The following STK31 variants were observed in gnomAD, a reference collection of about 807,000 sequenced individuals.
STK31 encodes serine/threonine kinase 31.
STK31 carries 89 observed loss-of-function variants against 129.7 expected under a neutral mutation model. The ratio of observed to expected loss-of-function variants is 0.69; its 90% confidence interval spans 0.58 to 0.82. The LOEUF (loss-of-function observed/expected upper bound fraction) is 0.82. STK31 is among the 40% of genes least tolerant of loss of function. The pLI is 0.00. For synonymous variants in STK31, 448 were observed against 395.3 expected (o/e 1.13, Z -1.58); for missense variants, 1,187 against 1,176.4 (o/e 1.01, Z -0.13).
At chr7:23,755,993 C>G (rs1310303003) in intron 10 of STK31, among the ~76,000 whole-genome samples, 2 of 152,150 alleles carry the variant, frequency 1.3e-5, no homozygotes, top group East Asian at 3.9e-4. Context: ...TTCTTTGAAT[C>G]CATATGAAAT....
At position 23,785,557 on chromosome 7, in the gene STK31, G is replaced by T; in HGVS notation, c.2228G>T (p.Arg743Leu). 6.2e-7 allele frequency: 1 copy of T among 1,613,900 alleles called. No individual in the cohort carries two copies. Among genetic ancestry groups the T allele is most frequent in the Non-Finnish European group, 8.5e-7 (1 of 1,179,864 alleles). Residue 743 changes from arginine (R) to leucine (L), a missense_variant, in exon 18 of 24, where the codon CGT becomes CTT. By Grantham distance (102) the Arg-to-Leu change is moderately radical. Coordinates refer to ENST00000355870, the MANE Select transcript of STK31 (RefSeq NM_031414.5). ...CCCATGAAGGAACTTAGCAGCAAGC[G>T]TCCTTTGGTACGTTCTGAGGTTAAT... ...AEPMKELSSK[R>L]PLVRSEVNGQ...
At position 23,786,867 on chromosome 7, in the gene STK31, A is replaced by T; in HGVS notation, c.2430A>T (p.Pro810=). The part of the protein sequence containing the change: ...KSDPMAYLMV[P]YYPRANLNAV... ...ATCCTATGGCTTATCTGATGGTCCC[A>T]TACTACCCTAGGGCAAACCTGAATG... The change falls in exon 20 of 24, where the codon CCA becomes CCT. Residue 810 remains proline, a synonymous_variant. Transcript: ENST00000355870. The T allele has an allele frequency of 6.2e-7, 1 of 1,614,020 alleles. No homozygotes were observed. The highest frequency in any genetic ancestry group is 8.5e-7 in the Non-Finnish European group (1 of 1,179,944).
chr7:23,726,783 A>G (rs1787111228), intron 4 of STK31, among the ~76,000 whole-genome samples: 1 of 152,142 alleles, frequency 6.6e-6, no homozygotes, highest in African/African-American at 2.4e-5. Context: ...GTAAAGTAAA[A>G]AGTATGAAAT....
At chr7:23,728,585 C>A (rs922174386) in intron 5 of STK31, among the ~76,000 whole-genome samples, 16 of 151,918 alleles carry the variant, frequency 1.1e-4, no homozygotes, top group Admixed American at 6.6e-5. Flanking sequence ...AACTATTTTT[C>A]TTTTTTACTT....
chr7:23,727,556 C>CTTTTTTTTTTTTTTTTTTTTTTTTTTTTT (rs58066410), intron 5 of STK31: 1 of 125,358 alleles, frequency 8.0e-6, no homozygotes. Context: ...TACCTCAGTT[C>CTTTTTTTTTTTTTTTTTTTTTTTTTTTTT]TTTTTTTTTT....
chr7:23,788,585 G>A (rs995846299), intron 21 of STK31, among the ~76,000 whole-genome samples: 14 of 152,022 alleles, frequency 9.2e-5, no homozygotes, highest in Admixed American at 3.3e-4. Flanking sequence ...ACCTCTAATG[G>A]CTGTTAATTC....
chr7:23,819,532 A>G (rs772940910), intron 23 of STK31, among the ~76,000 whole-genome samples: 1 of 151,766 alleles, frequency 6.6e-6, no homozygotes, highest in Non-Finnish European at 1.5e-5. Flanking sequence ...CTCCTGCCTC[A>G]GCAGCTTGAG....
intron 20 of STK31, among the ~76,000 whole-genome samples, 193 bp from the exon 21 acceptor site, chr7:23,787,774 ACACACACAAACAC>A (rs1791378618): frequency 2.0e-5 from 3 of 150,272 alleles, no homozygotes; most frequent in Admixed American, 6.6e-5. Flanking sequence ...ACACACACAC[ACACACACAAACAC>A]ACACAGGCAC....
chr7:23,724,919 A>G (rs1554283623), intron 4 of STK31, among the ~76,000 whole-genome samples: 1 of 152,206 alleles, frequency 6.6e-6, no homozygotes, highest in Non-Finnish European at 1.5e-5. Context: ...CATAAAATAA[A>G]TCTGTGGATT....
intron 22 of STK31, among the ~76,000 whole-genome samples, chr7:23,809,212 C>T (rs1170739702): frequency 6.6e-6 from 1 of 151,398 alleles, no homozygotes; most frequent in Admixed American, 6.6e-5. Context: ...TTGGCTGGAA[C>T]CCCTTGCATG....
chr7:23,732,554 A>G (rs376583759), intron 6 of STK31, among the ~76,000 whole-genome samples: 3 of 152,176 alleles, frequency 2.0e-5, no homozygotes, highest in South Asian at 4.1e-4. Context: ...TATATGATTC[A>G]GGGAGAATCT....
At chr7:23,730,637 A>G (rs1446956963) in intron 6 of STK31, among the ~76,000 whole-genome samples, 3 of 151,704 alleles carry the variant, frequency 2.0e-5, no homozygotes, top group African/African-American at 7.3e-5. Flanking sequence ...AAATGACTTC[A>G]AGTCGTGAAG....
intron 23 of STK31, among the ~76,000 whole-genome samples, chr7:23,820,214 G>T (rs1286460063): frequency 5.3e-5 from 8 of 152,158 alleles, no homozygotes; most frequent in Non-Finnish European, 7.3e-5. Context: ...ATACACAGGG[G>T]ATTGGTACAG....
rs1269678495 is a variant in STK31 at position 23,807,824 on chromosome 7, T to A, written c.2761-7320T>A. On this transcript the variant is annotated intron_variant, in intron 22 of 23. Coordinates refer to ENST00000355870, the MANE Select transcript of STK31 (RefSeq NM_031414.5). ...TTTCCTGTCATATTTATTCTATCAT[T>A]CAGTCCACCTAATGAGTTTTAACAT... is the stretch of plus-strand genomic sequence containing the variant. Among the ~76,000 whole-genome samples the A allele has an allele frequency of 2.6e-5, 4 of 152,100 alleles. 1 individual carries two copies. The highest frequency in any genetic ancestry group is 5.9e-5 in the Non-Finnish European group (4 of 68,024).
chr7:23,781,420 C>A lies in STK31; in HGVS notation c.1967C>A (p.Ser656Ter). 1 of 1,602,218 alleles carries A rather than the reference C, an allele frequency of 6.2e-7. No individual in the cohort carries two copies. Among genetic ancestry groups the A allele is most frequent in the South Asian group, 1.1e-5 (1 of 88,622 alleles). ...AACACTTTTTCTTTCTGATTCAAGT[C>A]AGATGATCCTGATGGCTCTCAAATT... Reference protein sequence around the residue: ...KLVEKSNLEESDDPDGSQIEK... With the variant: ...KLVEKSNLEE The change falls in exon 16 of 24, where the codon TCA becomes TAA. Residue 656 changes from serine (S) to a stop codon, truncating the protein, a stop_gained and splice_region_variant. Coordinates refer to ENST00000355870, the MANE Select transcript of STK31 (RefSeq NM_031414.5). LOFTEE classifies it high-confidence loss of function.
intron 22 of STK31, among the ~76,000 whole-genome samples, chr7:23,794,622 A>T (rs971372323): frequency 1.3e-5 from 2 of 152,184 alleles, no homozygotes; most frequent in African/African-American, 4.8e-5. Flanking sequence ...GGAACTTCCT[A>T]GAGACTTGTT....
intron 11 of STK31, among the ~76,000 whole-genome samples, chr7:23,766,923 C>A (rs1584410413): frequency 1.3e-5 from 2 of 152,032 alleles, no homozygotes; most frequent in African/African-American, 2.4e-5. Context: ...ATCTTTTTAT[C>A]TTGTTGGTGT....
At chr7:23,724,834 T>A (rs1470096125) in intron 4 of STK31, among the ~76,000 whole-genome samples, 1 of 152,192 alleles carries the variant, frequency 6.6e-6, no homozygotes, top group Non-Finnish European at 1.5e-5. Context: ...GCTTTTGAAT[T>A]GTTATTTATT....
chr7:23,827,175 A>C lies in STK31; in HGVS notation c.2830-4961A>C, dbSNP rs193249849. 1.4e-4 allele frequency among the ~76,000 whole-genome samples: 22 copies of C among 152,336 alleles called. No individual in the cohort carries two copies. The East Asian group carries it at 4.2e-3, about 29-fold the overall frequency. On this transcript the variant is annotated intron_variant, in intron 23 of 23. Coordinates refer to ENST00000355870, the MANE Select transcript of STK31 (RefSeq NM_031414.5). ...CTAGGTTGGGGAAGTTCTCCTGGATAATATGCTGAAGAGTGTTTTCCAACT... is the reference window on the plus strand; with the variant it reads ...CTAGGTTGGGGAAGTTCTCCTGGATCATATGCTGAAGAGTGTTTTCCAACT...
Sources: gnomAD v4.1 joint callset for allele counts (sites outside exome capture counted in the v4.1 genomes callset) on GRCh38, gnomAD v4.1.1 for gene constraint, MANE v1.5 for transcripts, NCBI Gene and HGNC (gene_info 2026-07-23, HGNC 2026-07-21) for gene names.